The following MYH11 variants were observed in gnomAD, a reference collection of about 807,000 sequenced individuals.
The protein encoded by MYH11 is myosin-11.
A neutral mutation model predicts 246.6 loss-of-function variants in MYH11; 80 were observed. The observed-to-expected ratio is 0.32, with a 90% CI of 0.27 to 0.39. MYH11 has a LOEUF of 0.39. Ranked by LOEUF, MYH11 falls within the 10% of genes least tolerant of loss-of-function variation. MYH11 has a pLI of 1.00. For missense variants in MYH11, 2,158 were observed against 2,546.8 expected, an observed-to-expected ratio of 0.85 and a Z score of 3.29; for synonymous variants, 1,071 against 1,015.5, an observed-to-expected ratio of 1.05 and a Z score of -1.04.
intron 10 of MYH11, 26 bp downstream of exon 10, chr16:15,763,770 G>A: frequency 1.8e-6 from 1 of 569,550 alleles, no homozygotes; most frequent in Non-Finnish European, 3.1e-6. Flanking sequence ...CAAAGTCATT[G>A]GTCATCAGGA....
chr16:15,737,980 G>C (rs1208648706), intron 24 of MYH11, among the ~76,000 whole-genome samples: 1 of 151,958 alleles, frequency 6.6e-6, no homozygotes, highest in African/African-American at 2.4e-5. Flanking sequence ...TTGAGACAGG[G>C]TTTCACCATG....
intron 26 of MYH11, chr16:15,733,031 C>G (rs974483651): frequency 2.3e-6 from 1 of 430,218 alleles, no homozygotes; most frequent in Non-Finnish European, 4.3e-6. Flanking sequence ...TGAGCAGTTA[C>G]TATATGCCAG....
At chr16:15,786,036 G>C (rs1393600215) in intron 5 of MYH11, 1 of 247,726 alleles carries the variant, frequency 4.0e-6, no homozygotes, top group Non-Finnish European at 7.9e-6. Flanking sequence ...CACGGGCCGA[G>C]TGATACCAGC....
chr16:15,781,961 T>C lies in MYH11; in HGVS notation c.726+424A>G, dbSNP rs143572250. ...AGGAGGTGTGTGCCTGGTACACAGT[T>C]GGCACTCAATTCATGTTTTGTTACA... is the stretch of plus-strand genomic sequence containing the variant. On this transcript the variant is annotated intron_variant, in intron 6 of 40. Coordinates refer to ENST00000300036, the MANE Select transcript of MYH11 (RefSeq NM_002474.3). 4.1e-3 allele frequency among the ~76,000 whole-genome samples: 626 copies of C among 152,344 alleles called. 2 individuals are homozygous for C. The highest frequency in any genetic ancestry group is 0.017 in the Middle Eastern group (5 of 294).
At chr16:15,753,264 C>G in intron 15 of MYH11, 130 bp downstream of exon 15, 1 of 803,384 alleles carries the variant, frequency 1.2e-6, no homozygotes, top group Non-Finnish European at 2.1e-6. Flanking sequence ...CCAGCCCATG[C>G]CAATGCTCTT....
chr16:15,802,392 G>A (rs1280572110), intron 3 of MYH11, among the ~76,000 whole-genome samples: 2 of 152,154 alleles, frequency 1.3e-5, no homozygotes, highest in East Asian at 1.9e-4. Context: ...CACTAGGGTG[G>A]GTTGAACTGT....
rs2041231142 is a variant in MYH11 at position 15,740,105 on chromosome 16, C to G, written c.2943G>C (p.Lys981Asn). The change falls in exon 23 of 41, where the codon AAG (lysine) becomes AAC (asparagine). Residue 981 changes from lysine (K) to asparagine (N), a missense_variant. Transcript: ENST00000300036. Reference protein sequence around the residue: ...LEKVTAEAKIKKLEDEILVMD... With the variant: ...LEKVTAEAKINKLEDEILVMD... ...TGACCAGGATCTCATCCTCCAGTTTCTTGATCTTGGCCTCAGCCGTGACCT... is the reference window on the plus strand; with the variant it reads ...TGACCAGGATCTCATCCTCCAGTTTGTTGATCTTGGCCTCAGCCGTGACCT... 6.2e-7 allele frequency: 1 copy of G among 1,614,238 alleles called. No homozygotes were observed. Among genetic ancestry groups the G allele is most frequent in the Non-Finnish European group, 8.5e-7 (1 of 1,180,044 alleles).
chr16:15,823,154 C>T (rs192751432), intron 3 of MYH11, 101 bp downstream of exon 3: 6 of 1,522,118 alleles, frequency 3.9e-6, no homozygotes, highest in East Asian at 4.5e-5. Flanking sequence ...CCTGGTCCCT[C>T]GCAGTGCCTG....
intron 6 of MYH11, among the ~76,000 whole-genome samples, chr16:15,780,473 G>A (rs71392065): frequency 3.9e-5 from 2 of 51,714 alleles, no homozygotes; most frequent in Admixed American, 2.4e-4. Context: ...AGATTTTTAC[G>A]CTTTTTTTTT....
chr16:15,795,381 C>A (rs1364218790), intron 4 of MYH11, among the ~76,000 whole-genome samples: 1 of 152,084 alleles, frequency 6.6e-6, no homozygotes, highest in Non-Finnish European at 1.5e-5. Context: ...GAGGCCGAGG[C>A]TCCCCGGGTC....
At chr16:15,751,154 T>TTAC (rs2041558520) in intron 15 of MYH11, among the ~76,000 whole-genome samples, 2 of 148,714 alleles carry the variant, frequency 1.3e-5, no homozygotes, top group Admixed American at 1.4e-4. Context: ...ATTATTATTA[T>TTAC]TATTATCATT....
intron 3 of MYH11, among the ~76,000 whole-genome samples, chr16:15,822,551 C>A (rs1479329139): frequency 2.6e-5 from 4 of 151,950 alleles, no homozygotes; most frequent in Non-Finnish European, 4.4e-5. Flanking sequence ...AACAAAAAAA[C>A]CCACCTTTTT....
chr16:15,724,437 G>A lies in MYH11; in HGVS notation c.4117-28C>T, dbSNP rs542901166. 7.4e-6 allele frequency: 12 copies of A among 1,613,012 alleles called. No homozygotes were observed. In the African/African-American group the frequency reaches 1.2e-4, roughly 16 times the overall value. On this transcript the variant is annotated intron_variant, in intron 30 of 40. Coordinates refer to ENST00000300036, the MANE Select transcript of MYH11 (RefSeq NM_002474.3). ...ACAAGGACAGCGTCCAGGGTAGGGTGAGAGGGGGACCATGAGTGGCCCCTG... is the reference window on the plus strand; with the variant it reads ...ACAAGGACAGCGTCCAGGGTAGGGTAAGAGGGGGACCATGAGTGGCCCCTG...
chr16:15,732,409 A>T (rs1404953607), intron 27 of MYH11, 155 bp downstream of exon 27: 13 of 1,181,402 alleles, frequency 1.1e-5, no homozygotes, highest in South Asian at 2.6e-5. Flanking sequence ...CTGTATGGGA[A>T]GCATTTTGTA....
intron 19 of MYH11, among the ~76,000 whole-genome samples, chr16:15,745,672 C>G (rs1030010047): frequency 1.3e-5 from 2 of 150,290 alleles, no homozygotes; most frequent in Admixed American, 1.3e-4. Flanking sequence ...ACTGCAAACT[C>G]CACCTCCGGG....
chr16:15,784,635 A>C, intron 5 of MYH11: 1 of 1,565,916 alleles, frequency 6.4e-7, no homozygotes, highest in Non-Finnish European at 8.8e-7. Context: ...CAAGAGGATC[A>C]TGCAGATCTA....
chr16:15,847,191 A>AGG lies in MYH11; in HGVS notation c.-17-8924_-17-8923dup, dbSNP rs2044212486. ...AGATGGTAGCCAATTACATCCCAAG[A>AGG]GGGCTAGGAGAGTGTTTCATTTGTT... On this transcript the variant is annotated intron_variant, in intron 1 of 40. Transcript: ENST00000300036. 2.0e-5 allele frequency among the ~76,000 whole-genome samples: 3 copies of AGG among 151,406 alleles called. No homozygotes were observed. The South Asian group carries it at 6.3e-4, about 32-fold the overall frequency.
intron 40 of MYH11, among the ~76,000 whole-genome samples, chr16:15,709,205 T>G (rs2039641410): frequency 6.6e-6 from 1 of 151,848 alleles, no homozygotes; most frequent in African/African-American, 2.4e-5. Context: ...CCTCCCAAGG[T>G]GCTGGGATTT....
chr16:15,769,206 C>T (rs2151288900), intron 9 of MYH11, among the ~76,000 whole-genome samples: 1 of 152,282 alleles, frequency 6.6e-6, no homozygotes, highest in African/African-American at 2.4e-5. Context: ...ATCCCAGCTA[C>T]CCAGGAGGCT....
Sources: allele counts gnomAD v4.1 joint callset (sites outside exome capture counted in the v4.1 genomes callset), GRCh38; gene constraint gnomAD v4.1.1; transcripts MANE v1.5; gene names NCBI Gene and HGNC (gene_info 2026-07-23, HGNC 2026-07-21).